IKZF1: variants seen among roughly 807,000 people sequenced by gnomAD.
The protein encoded by IKZF1 is DNA-binding protein Ikaros.
Under a neutral mutation model 51.7 loss-of-function variants are expected in IKZF1, and 10 were observed. That is an observed-to-expected ratio of 0.19 (90% confidence interval 0.12 to 0.33). The LOEUF (loss-of-function observed/expected upper bound fraction) is 0.33. Among genes scored for constraint, IKZF1 ranks in the 10% least tolerant of loss-of-function variants. The pLI is 1.00. For synonymous variants in IKZF1, 280 were observed against 282.3 expected, an observed-to-expected ratio of 0.99 and a Z score of 0.08; for missense variants, 484 against 707.5, an observed-to-expected ratio of 0.68 and a Z score of 3.58.
Position 50,399,982 on chromosome 7 carries a change from G to C in IKZF1, c.915G>C (p.Met305Ile). The C allele has an allele frequency of 6.2e-7, 1 of 1,613,560 alleles. No individual in the cohort carries two copies. Among genetic ancestry groups the C allele is most frequent in the Non-Finnish European group, 8.5e-7 (1 of 1,179,798 alleles). The part of the protein sequence containing the change: ...SSASYEKENE[M>I]MKSHVMDQAI... ...CCAGCTACGAGAAGGAGAACGAAAT[G>C]ATGAAGTCCCACGTGATGGACCAAG... is the stretch of plus-strand genomic sequence containing the variant. Residue 305 changes from methionine (M) to isoleucine (I), a missense_variant, in exon 8 of 8, where the codon ATG becomes ATC. Physicochemically the swap from Met to Ile is conservative, Grantham distance 10. This residue lies in a region of IKZF1 where 172 missense variants were observed against 192.7 expected (regional missense o/e 0.89). Coordinates refer to ENST00000331340, the MANE Select transcript of IKZF1 (RefSeq NM_006060.6).
intron 3 of IKZF1, among the ~76,000 whole-genome samples, chr7:50,338,983 C>A (rs1798421676): frequency 6.6e-6 from 1 of 152,194 alleles, no homozygotes; most frequent in African/African-American, 2.4e-5. Context: ...CTAGAATCAG[C>A]CAACTGGTAA....
intron 1 of IKZF1, among the ~76,000 whole-genome samples, chr7:50,313,885 C>T (rs991168609): frequency 1.1e-4 from 17 of 152,196 alleles, no homozygotes; most frequent in Non-Finnish European, 2.5e-4. Flanking sequence ...TAACCATTTG[C>T]CTCTTCAATG....
intron 2 of IKZF1, among the ~76,000 whole-genome samples, chr7:50,324,781 A>G (rs1230004138): frequency 6.6e-6 from 1 of 152,162 alleles, no homozygotes; most frequent in Non-Finnish European, 1.5e-5. Flanking sequence ...AAAGTAACTA[A>G]GAGTTATTTG....
At chr7:50,315,613 C>G (rs965732775) in intron 1 of IKZF1, among the ~76,000 whole-genome samples, 85 of 152,188 alleles carry the variant, frequency 5.6e-4, no homozygotes, top group African/African-American at 1.9e-3. Flanking sequence ...TCTTTTAGGT[C>G]TTGCCTGAAA....
intron 3 of IKZF1, among the ~76,000 whole-genome samples, chr7:50,357,019 C>A (rs1358591832): frequency 6.6e-6 from 1 of 151,864 alleles, no homozygotes; most frequent in Non-Finnish European, 1.5e-5. Context: ...GACTGCACCC[C>A]TGACTGCCGA....
intron 3 of IKZF1, among the ~76,000 whole-genome samples, chr7:50,364,177 A>G (rs893123264): frequency 5.9e-5 from 9 of 152,214 alleles, no homozygotes; most frequent in Non-Finnish European, 4.4e-5. Context: ...AATCTCAAGT[A>G]GGTTTAGCCT....
At chr7:50,314,256 G>A (rs373090572) in intron 1 of IKZF1, among the ~76,000 whole-genome samples, 13 of 152,234 alleles carry the variant, frequency 8.5e-5, no homozygotes, top group East Asian at 5.8e-4. Context: ...GACTACAGGC[G>A]CCCGCCACCA....
chr7:50,365,192 G>A (rs971479633), intron 3 of IKZF1, among the ~76,000 whole-genome samples: 9 of 152,228 alleles, frequency 5.9e-5, no homozygotes, highest in African/African-American at 2.2e-4. Flanking sequence ...GGAACAGAGT[G>A]AGTTTCCACA....
intron 3 of IKZF1, among the ~76,000 whole-genome samples, chr7:50,374,855 T>C (rs970103290): frequency 3.9e-5 from 6 of 152,240 alleles, no homozygotes; most frequent in Non-Finnish European, 7.3e-5. Context: ...GTCTGGACTG[T>C]AGATCTCTAA....
intron 3 of IKZF1, chr7:50,369,389 A>AGATGT: frequency 2.5e-6 from 1 of 396,548 alleles, no homozygotes; most frequent in Non-Finnish European, 4.4e-6. Context: ...CTGCATGTGA[A>AGATGT]GATGTGTTAA....
At chr7:50,328,335 C>T (rs1017212771) in intron 3 of IKZF1, 4 of 152,186 alleles carry the variant, frequency 2.6e-5, no homozygotes, top group African/African-American at 7.2e-5. Context: ...CTTACACATG[C>T]GACAGTTTGT....
intron 2 of IKZF1, among the ~76,000 whole-genome samples, chr7:50,322,328 T>A (rs185926600): frequency 6.8e-4 from 103 of 152,352 alleles, no homozygotes; most frequent in African/African-American, 2.3e-3. Context: ...TATTAAAGTA[T>A]CAGCAATTTC....
intron 6 of IKZF1, 97 bp from the exon 7 acceptor site, chr7:50,391,632 T>G (rs1171726311): frequency 2.0e-6 from 3 of 1,517,054 alleles, no homozygotes; most frequent in Non-Finnish European, 2.7e-6. Flanking sequence ...GGCCTGGCTC[T>G]TGTAGGCACT....
chr7:50,334,515 T>G (rs1797155726), intron 3 of IKZF1, among the ~76,000 whole-genome samples: 2 of 150,644 alleles, frequency 1.3e-5, no homozygotes, highest in Admixed American at 6.6e-5. Context: ...ATGTGTGTGG[T>G]GTGTGTGTGT....
intron 2 of IKZF1, among the ~76,000 whole-genome samples, chr7:50,321,738 C>T (rs1793392529): frequency 6.6e-6 from 1 of 152,126 alleles, no homozygotes; most frequent in African/African-American, 2.4e-5. Context: ...GTATTCCGAT[C>T]TCGTATCTTA....
intron 1 of IKZF1, among the ~76,000 whole-genome samples, chr7:50,306,374 A>G (rs1477200785): frequency 2.0e-5 from 3 of 152,202 alleles, no homozygotes; most frequent in Non-Finnish European, 4.4e-5. Flanking sequence ...ATTGAACTAA[A>G]TGGTCATGTT....
intron 3 of IKZF1, among the ~76,000 whole-genome samples, chr7:50,357,900 G>A (rs1803956652): frequency 6.6e-6 from 1 of 152,148 alleles, no homozygotes; most frequent in African/African-American, 2.4e-5. Flanking sequence ...AGGCAGGTCG[G>A]GTGACCATCT....
intron 5 of IKZF1, 26 bp from the exon 6 acceptor site, chr7:50,387,319 C>A (rs768068147): frequency 6.2e-7 from 1 of 1,607,844 alleles, no homozygotes; most frequent in South Asian, 1.1e-5. Flanking sequence ...TAATTGGGGT[C>A]TTGAACTCAA....
At chr7:50,338,516 A>G (rs992829923) in intron 3 of IKZF1, among the ~76,000 whole-genome samples, 3 of 152,184 alleles carry the variant, frequency 2.0e-5, no homozygotes, top group East Asian at 1.9e-4. Context: ...GGGGAAAAAA[A>G]GGCTGGGGGG....
Sources: allele counts gnomAD v4.1 joint callset (sites outside exome capture counted in the v4.1 genomes callset), GRCh38; gene constraint gnomAD v4.1.1; regional missense constraint gnomAD v4.1.1; transcripts MANE v1.5; gene names NCBI Gene and HGNC (gene_info 2026-07-23, HGNC 2026-07-21).